The following ITGA8 variants were observed in gnomAD, a reference collection of about 807,000 sequenced individuals.
The protein encoded by ITGA8 is integrin subunit alpha 8.
Under a neutral mutation model 142.3 loss-of-function variants are expected in ITGA8, and 91 were observed. That is an observed-to-expected ratio of 0.64 (90% CI 0.54 to 0.76). The LOEUF (loss-of-function observed/expected upper bound fraction) is 0.76. Ranked by LOEUF, ITGA8 falls within the 30% of genes least tolerant of loss-of-function variation. The pLI, the probability that ITGA8 is intolerant of heterozygous loss-of-function variation, is 0.00. For missense variants in ITGA8, 1,406 were observed against 1,327.7 expected (o/e 1.06, Z -0.92); for synonymous variants, 505 against 485.2 (o/e 1.04, Z -0.54).
At chr10:15,520,969 A>G (rs763891038) in intron 28 of ITGA8, among the ~76,000 whole-genome samples, 5 of 152,104 alleles carry the variant, frequency 3.3e-5, no homozygotes, top group African/African-American at 7.2e-5. Flanking sequence ...GAACCCTAGC[A>G]CTGAGCCCTA....
At chr10:15,556,016 C>CTA (rs1391282940) in intron 26 of ITGA8, among the ~76,000 whole-genome samples, 1 of 94,548 alleles carries the variant, frequency 1.1e-5, no homozygotes, top group Admixed American at 1.4e-4. Context: ...GTCTCTCTCT[C>CTA]TCTTTTTTTT....
chr10:15,646,124 C>A (rs1833977508), intron 12 of ITGA8, among the ~76,000 whole-genome samples: 1 of 152,150 alleles, frequency 6.6e-6, no homozygotes. Flanking sequence ...ATAATTCCTG[C>A]CTCTACTGAG....
intron 2 of ITGA8, among the ~76,000 whole-genome samples, chr10:15,714,833 TAGTTGGTTACC>T (rs1835421884): frequency 1.3e-5 from 2 of 152,220 alleles, no homozygotes; most frequent in South Asian, 4.1e-4. Flanking sequence ...TGAGAGAATT[TAGTTGGTTACC>T]AGAGCAGAAT....
Position 15,572,387 on chromosome 10 carries a change from G to A in ITGA8, c.2479-18C>T, listed in dbSNP as rs1834202600. 5.0e-6 allele frequency: 8 copies of A among 1,611,596 alleles called. No homozygotes were observed. The highest frequency in any genetic ancestry group is 6.8e-6 in the Non-Finnish European group (8 of 1,178,482). The stretch of plus-strand genomic sequence containing the variant: ...TTGTGCAGCTGTAAACAAGTGACAT[G>A]TTATCTAATGACCCAGCAGAAGGCA... On this transcript the variant is annotated intron_variant, in intron 24 of 29. Transcript: ENST00000378076.
intron 6 of ITGA8, among the ~76,000 whole-genome samples, chr10:15,677,157 A>G (rs1170386274): frequency 6.6e-6 from 1 of 152,242 alleles, no homozygotes; most frequent in African/African-American, 2.4e-5. Flanking sequence ...ATTCAGGTAT[A>G]GCCAGAGATG....
intron 13 of ITGA8, among the ~76,000 whole-genome samples, chr10:15,622,597 CA>C (rs1833509449): frequency 1.3e-5 from 1 of 79,448 alleles, no homozygotes; most frequent in South Asian, 7.2e-4. Context: ...CAAAACAAAA[CA>C]AAACAAAAAA....
intron 11 of ITGA8, among the ~76,000 whole-genome samples, chr10:15,647,681 C>A (rs1163799539): frequency 2.0e-5 from 3 of 151,396 alleles, no homozygotes; most frequent in Non-Finnish European, 4.4e-5. Flanking sequence ...CCAGGATGGT[C>A]TCGATCTCCT....
chr10:15,646,787 G>A (rs148197657), intron 12 of ITGA8, 59 bp downstream of exon 12: 1 of 1,280,606 alleles, frequency 7.8e-7, no homozygotes, highest in African/African-American at 1.5e-5. Flanking sequence ...AACAGGCATG[G>A]TCTCCTTTAT....
intron 27 of ITGA8, among the ~76,000 whole-genome samples, chr10:15,534,158 C>G (rs992291878): frequency 1.3e-5 from 2 of 152,112 alleles, no homozygotes; most frequent in African/African-American, 4.8e-5. Context: ...GATCCTCCTG[C>G]CTCAGCCTCC....
chr10:15,662,490 C>T (rs1834308244), intron 8 of ITGA8, among the ~76,000 whole-genome samples: 1 of 151,842 alleles, frequency 6.6e-6, no homozygotes, highest in African/African-American at 2.4e-5. Flanking sequence ...AGGTACATGC[C>T]ACTGTGCCTG....
chr10:15,708,506 C>T (rs552865929), intron 2 of ITGA8, among the ~76,000 whole-genome samples: 2 of 152,188 alleles, frequency 1.3e-5, no homozygotes, highest in African/African-American at 4.8e-5. Flanking sequence ...TGTGTCTATT[C>T]ATAAGTGAAG....
intron 8 of ITGA8, 62 bp from the exon 9 acceptor site, chr10:15,660,984 C>G: frequency 1.5e-6 from 2 of 1,375,896 alleles, no homozygotes. Context: ...CACACACACA[C>G]GCCATATACT....
intron 27 of ITGA8, among the ~76,000 whole-genome samples, chr10:15,533,037 G>A (rs1004225139): frequency 3.3e-5 from 5 of 152,030 alleles, no homozygotes; most frequent in African/African-American, 9.7e-5. Context: ...GTTACGGATC[G>A]GGGCTCTTTT....
chr10:15,633,786 C>T (rs192147729), intron 13 of ITGA8, among the ~76,000 whole-genome samples: 3 of 152,184 alleles, frequency 2.0e-5, no homozygotes, highest in Non-Finnish European at 2.9e-5. Context: ...CTTTTCCCCC[C>T]CTCACTCATA....
intron 2 of ITGA8, among the ~76,000 whole-genome samples, chr10:15,691,910 A>G (rs1297624994): frequency 6.6e-6 from 1 of 152,174 alleles, no homozygotes; most frequent in Non-Finnish European, 1.5e-5. Context: ...GTATAAATAG[A>G]TCAAAACATT....
chr10:15,710,949 A>G (rs142845440), intron 2 of ITGA8, among the ~76,000 whole-genome samples: 1 of 152,314 alleles, frequency 6.6e-6, no homozygotes, highest in East Asian at 1.9e-4. Context: ...GCAATATCAT[A>G]TTCAAATTTA....
intron 8 of ITGA8, among the ~76,000 whole-genome samples, chr10:15,665,382 ATTTG>A (rs1296501945): frequency 2.0e-5 from 3 of 152,046 alleles, no homozygotes; most frequent in East Asian, 1.9e-4. Flanking sequence ...TTTCTCATAA[ATTTG>A]TTTGAGTTCA....
intron 29 of ITGA8, among the ~76,000 whole-genome samples, chr10:15,518,404 T>C (rs949116821): frequency 5.3e-5 from 8 of 152,230 alleles, no homozygotes; most frequent in African/African-American, 1.9e-4. Context: ...TAAAGGCATG[T>C]CATAGACCAC....
chr10:15,705,017 T>TTTA, intron 2 of ITGA8, among the ~76,000 whole-genome samples: 1 of 152,282 alleles, frequency 6.6e-6, no homozygotes, highest in East Asian at 1.9e-4. Context: ...GTTTGTTTTT[T>TTTA]TAAAGTCACC....
Sources: allele counts gnomAD v4.1 joint callset (sites outside exome capture counted in the v4.1 genomes callset), GRCh38; gene constraint gnomAD v4.1.1; transcripts MANE v1.5; gene names NCBI Gene and HGNC (gene_info 2026-07-23, HGNC 2026-07-21).